C1QTNF3: variants seen among roughly 807,000 people sequenced by gnomAD.
C1QTNF3 encodes complement C1q tumor necrosis factor-related protein 3.
C1QTNF3 carries 26 observed loss-of-function variants against 32.6 expected under a neutral mutation model. That is an observed-to-expected ratio of 0.80 (90% confidence interval 0.58 to 1.11). C1QTNF3 has a LOEUF of 1.11. Ranked by LOEUF, C1QTNF3 falls within the 50% of genes least tolerant of loss-of-function variation. The pLI, the probability that C1QTNF3 is intolerant of heterozygous loss-of-function variation, is 0.00. For synonymous variants in C1QTNF3, 155 were observed against 146.0 expected (o/e 1.06, Z -0.44); for missense variants, 362 against 398.2 (o/e 0.91, Z 0.77).
the C1QTNF3 span, among the ~76,000 whole-genome samples, chr5:34,085,921 C>T: frequency 6.6e-6 from 1 of 151,024 alleles, no homozygotes; most frequent in African/African-American, 2.5e-5. Context: ...CCATTTGACC[C>T]AGCAATCCCA....
chr5:34,178,558 A>G, the C1QTNF3 span, among the ~76,000 whole-genome samples: 1 of 152,310 alleles, frequency 6.6e-6, no homozygotes, highest in Non-Finnish European at 1.5e-5. Context: ...GGTTTGGGCC[A>G]GATGAACTCT....
intron 1 of C1QTNF3, among the ~76,000 whole-genome samples, chr5:34,036,495 C>T (rs1754743468): frequency 6.6e-6 from 1 of 152,098 alleles, no homozygotes; most frequent in South Asian, 2.1e-4. Flanking sequence ...GTAGAGAGAG[C>T]ACTTAAAATC....
the C1QTNF3 span, among the ~76,000 whole-genome samples, chr5:34,113,483 G>C: frequency 6.6e-6 from 1 of 151,382 alleles, no homozygotes; most frequent in South Asian, 2.1e-4. Flanking sequence ...ACCTTCTATT[G>C]TCACTCTACT....
chr5:34,208,315 C>A, the C1QTNF3 span, among the ~76,000 whole-genome samples: 1 of 152,138 alleles, frequency 6.6e-6, no homozygotes, highest in East Asian at 1.9e-4. Flanking sequence ...ATATTTTCTC[C>A]TTTTAAAACT....
the C1QTNF3 span, among the ~76,000 whole-genome samples, chr5:34,147,292 G>C: frequency 2.0e-5 from 3 of 152,194 alleles, no homozygotes; most frequent in Non-Finnish European, 2.9e-5. Flanking sequence ...ATTTGTCCCA[G>C]CAATCCTATC....
At chr5:34,108,401 G>A in the C1QTNF3 span, among the ~76,000 whole-genome samples, 10 of 152,154 alleles carry the variant, frequency 6.6e-5, no homozygotes, top group East Asian at 3.9e-4. Context: ...TGCTCTCCCC[G>A]TGCTGAAAAT....
chr5:34,238,766 T>C, the C1QTNF3 span, among the ~76,000 whole-genome samples: 5 of 151,916 alleles, frequency 3.3e-5, no homozygotes, highest in African/African-American at 1.2e-4. Context: ...GAGAGTGACA[T>C]GTAAATCCAA....
At chr5:34,233,739 C>G in the C1QTNF3 span, among the ~76,000 whole-genome samples, 1 of 151,674 alleles carries the variant, frequency 6.6e-6, no homozygotes, top group African/African-American at 2.4e-5. Context: ...GTTTTGTAAA[C>G]CATTATTTTG....
the C1QTNF3 span, among the ~76,000 whole-genome samples, chr5:34,226,078 C>A: frequency 6.6e-6 from 1 of 151,746 alleles, no homozygotes; most frequent in Non-Finnish European, 1.5e-5. Context: ...TTTCTTGTCC[C>A]CTTGAACCAT....
the C1QTNF3 span, among the ~76,000 whole-genome samples, chr5:34,090,085 A>G: frequency 6.6e-6 from 1 of 152,180 alleles, no homozygotes; most frequent in Non-Finnish European, 1.5e-5. Flanking sequence ...TCATGCTACA[A>G]CACTGAAATG....
the C1QTNF3 span, among the ~76,000 whole-genome samples, chr5:34,188,607 C>T: frequency 6.6e-5 from 10 of 152,134 alleles, no homozygotes; most frequent in African/African-American, 2.4e-4. Flanking sequence ...GTAGCTCTTT[C>T]GCTTTGGCCA....
At chr5:34,174,148 C>T in the C1QTNF3 span, among the ~76,000 whole-genome samples, 1 of 152,226 alleles carries the variant, frequency 6.6e-6, no homozygotes. Context: ...GCCTCCGCCT[C>T]CGAGGTTTAA....
chr5:34,194,692 T>A, the C1QTNF3 span, among the ~76,000 whole-genome samples: 1 of 152,272 alleles, frequency 6.6e-6, no homozygotes, highest in Non-Finnish European at 1.5e-5. Context: ...CCCATTAGAA[T>A]GAAAGTTCCG....
the C1QTNF3 span, among the ~76,000 whole-genome samples, chr5:34,120,897 T>G: frequency 6.6e-6 from 1 of 152,224 alleles, no homozygotes; most frequent in Non-Finnish European, 1.5e-5. Context: ...TGTGATATAG[T>G]AATAGCAATG....
At chr5:34,194,683 C>A in the C1QTNF3 span, among the ~76,000 whole-genome samples, 9 of 150,322 alleles carry the variant, frequency 6.0e-5, no homozygotes, top group African/African-American at 2.2e-4. Flanking sequence ...CAGTCTTCCC[C>A]CATTAGAATG....
At chr5:34,170,187 G>A in the C1QTNF3 span, among the ~76,000 whole-genome samples, 1 of 152,038 alleles carries the variant, frequency 6.6e-6, no homozygotes, top group South Asian at 2.1e-4. Context: ...AGTCACAAGA[G>A]GACAAATACT....
the C1QTNF3 span, among the ~76,000 whole-genome samples, chr5:34,202,852 T>A: frequency 9.2e-5 from 14 of 152,026 alleles, no homozygotes; most frequent in African/African-American, 3.4e-4. Flanking sequence ...TCACTAAACC[T>A]CTCTCAGCTT....
intron 1 of C1QTNF3, among the ~76,000 whole-genome samples, chr5:34,037,762 T>A (rs528182863): frequency 2.9e-4 from 44 of 152,286 alleles, no homozygotes; most frequent in African/African-American, 1.0e-3. Context: ...AGGGATTTCA[T>A]CTCAGGGATT....
the C1QTNF3 span, among the ~76,000 whole-genome samples, chr5:34,065,332 A>G: frequency 2.0e-5 from 3 of 152,156 alleles, no homozygotes; most frequent in African/African-American, 7.2e-5. Context: ...CAAAACCACA[A>G]TAACACGCCA....
Sources: gnomAD v4.1 joint callset for allele counts (sites outside exome capture counted in the v4.1 genomes callset) on GRCh38, gnomAD v4.1.1 for gene constraint, MANE v1.5 for transcripts, NCBI Gene and HGNC (gene_info 2026-07-23, HGNC 2026-07-21) for gene names.